The following ZBTB20 variants were observed in gnomAD, a reference collection of about 807,000 sequenced individuals.
ZBTB20 encodes zinc finger and BTB domain containing 20.
In ZBTB20, 9 loss-of-function variants were observed where a neutral mutation model predicts 56.9. The observed-to-expected ratio is 0.16, with a 90% CI of 0.10 to 0.28. The LOEUF is 0.28. Among genes scored for constraint, ZBTB20 ranks in the 10% least tolerant of loss-of-function variants. The probability of loss-of-function intolerance (pLI) is 1.00; values close to 1 mark genes in which losing one functional copy is unlikely to be tolerated. For synonymous variants in ZBTB20, 417 were observed against 420.7 expected, an observed-to-expected ratio of 0.99 and a Z score of 0.11; for missense variants, 655 against 1,003.0, an observed-to-expected ratio of 0.65 and a Z score of 4.69.
intron 7 of ZBTB20, among the ~76,000 whole-genome samples, chr3:114,415,215 C>T (rs2088414199): frequency 6.6e-6 from 1 of 152,050 alleles, no homozygotes; most frequent in Admixed American, 6.6e-5. Context: ...CACTGCTGAA[C>T]CTGGTAAAGC....
At chr3:114,627,902 G>A (rs116021131) in intron 6 of ZBTB20, among the ~76,000 whole-genome samples, 30 of 152,240 alleles carry the variant, frequency 2.0e-4, no homozygotes, top group African/African-American at 7.2e-4. Flanking sequence ...TTTCAGTAGA[G>A]GACGGCAGTA....
intron 5 of ZBTB20, among the ~76,000 whole-genome samples, chr3:114,717,037 T>C (rs532664841): frequency 8.0e-4 from 122 of 152,258 alleles, no homozygotes; most frequent in African/African-American, 2.6e-3. Context: ...AATATTCTAC[T>C]TAGATTCTGA....
intron 6 of ZBTB20, among the ~76,000 whole-genome samples, chr3:114,548,018 T>C (rs940203469): frequency 6.6e-6 from 1 of 152,210 alleles, no homozygotes; most frequent in African/African-American, 2.4e-5. Context: ...TTTTCCTAAA[T>C]AGTGGTTATG....
intron 2 of ZBTB20, among the ~76,000 whole-genome samples, chr3:114,998,829 G>A (rs1203378960): frequency 9.2e-5 from 14 of 151,584 alleles, no homozygotes; most frequent in Non-Finnish European, 5.9e-5. Flanking sequence ...AAGATGTCTA[G>A]AAGGTAATTT....
At chr3:114,419,752 C>T (rs2088959702) in intron 7 of ZBTB20, among the ~76,000 whole-genome samples, 1 of 152,124 alleles carries the variant, frequency 6.6e-6, no homozygotes, top group Admixed American at 6.6e-5. Context: ...AAACAACTGA[C>T]ATACCAAAGA....
intron 6 of ZBTB20, among the ~76,000 whole-genome samples, chr3:114,551,263 G>C (rs1422812367): frequency 6.6e-6 from 1 of 152,166 alleles, no homozygotes; most frequent in Non-Finnish European, 1.5e-5. Context: ...CACAATAAAA[G>C]AGATTCAATT....
At chr3:114,534,413 G>C (rs1424303197) in intron 6 of ZBTB20, among the ~76,000 whole-genome samples, 1 of 152,144 alleles carries the variant, frequency 6.6e-6, no homozygotes, top group East Asian at 1.9e-4. Flanking sequence ...TAATGGTAAA[G>C]GGATCAATGC....
chr3:114,650,243 C>T (rs1452959611), intron 6 of ZBTB20, among the ~76,000 whole-genome samples: 1 of 151,774 alleles, frequency 6.6e-6, no homozygotes, highest in African/African-American at 2.4e-5. Flanking sequence ...AACTTCATAA[C>T]ATGCATAATA....
At chr3:115,080,286 G>C (rs948199488) in intron 1 of ZBTB20, among the ~76,000 whole-genome samples, 1 of 152,172 alleles carries the variant, frequency 6.6e-6, no homozygotes, top group Non-Finnish European at 1.5e-5. Flanking sequence ...CTCCAGAACT[G>C]TGAGGTTACA....
chr3:114,556,721 C>T (rs1364454519), intron 6 of ZBTB20, among the ~76,000 whole-genome samples: 1 of 151,978 alleles, frequency 6.6e-6, no homozygotes, highest in Non-Finnish European at 1.5e-5. Context: ...TTGGTATTCA[C>T]AATATTCTGA....
intron 6 of ZBTB20, among the ~76,000 whole-genome samples, chr3:114,508,261 T>A (rs1473655182): frequency 6.6e-6 from 1 of 152,066 alleles, no homozygotes; most frequent in South Asian, 2.1e-4. Flanking sequence ...ACAGATAAGG[T>A]CTAACAGGGG....
chr3:114,788,829 C>G (rs2070741614), intron 5 of ZBTB20, among the ~76,000 whole-genome samples: 1 of 152,144 alleles, frequency 6.6e-6, no homozygotes, highest in Non-Finnish European at 1.5e-5. Flanking sequence ...GGTGAGGCCT[C>G]ACAATCATGG....
At chr3:114,604,253 G>A (rs983404984) in intron 6 of ZBTB20, among the ~76,000 whole-genome samples, 1 of 151,956 alleles carries the variant, frequency 6.6e-6, no homozygotes, top group African/African-American at 2.4e-5. Flanking sequence ...AAGAGATACT[G>A]GAGAATACAA....
chr3:114,761,808 T>G (rs1479076733), intron 5 of ZBTB20, among the ~76,000 whole-genome samples: 1 of 149,108 alleles, frequency 6.7e-6, no homozygotes, highest in African/African-American at 2.5e-5. Flanking sequence ...CACTCTGGCC[T>G]GGGTGACAGA....
intron 6 of ZBTB20, among the ~76,000 whole-genome samples, chr3:114,547,580 C>T (rs2050045667): frequency 6.6e-6 from 1 of 152,136 alleles, no homozygotes; most frequent in Admixed American, 6.5e-5. Context: ...AGAAGATGCT[C>T]TGGTCAGTGG....
intron 7 of ZBTB20, among the ~76,000 whole-genome samples, chr3:114,424,130 A>G (rs1017818319): frequency 3.3e-5 from 5 of 152,240 alleles, no homozygotes; most frequent in African/African-American, 9.6e-5. Flanking sequence ...CGGTCATATT[A>G]TAATTGTCAC....
rs142378339 is a variant in ZBTB20, at chr3:114,364,281, G to A, written c.200-12403C>T. Among the ~76,000 whole-genome samples, 323 of 152,140 alleles carry A rather than the reference G, an allele frequency of 2.1e-3. 1 individual carries two copies. The highest frequency in any genetic ancestry group is 3.6e-3 in the Non-Finnish European group (243 of 67,974). On this transcript the variant is annotated intron_variant, in intron 10 of 11. Transcript: ENST00000675478. Reference sequence around the variant, plus strand: ...AGCCTAGCCAACATGGTGAAACCTCGTCTCTTCTAAAAATACAAAATTAGC... The same window carrying A: ...AGCCTAGCCAACATGGTGAAACCTCATCTCTTCTAAAAATACAAAATTAGC...
intron 6 of ZBTB20, among the ~76,000 whole-genome samples, chr3:114,501,790 C>A (rs1283896625): frequency 1.4e-5 from 2 of 147,562 alleles, no homozygotes; most frequent in Admixed American, 6.8e-5. Flanking sequence ...CTCACTGCAA[C>A]CTCTGCCTCC....
intron 6 of ZBTB20, among the ~76,000 whole-genome samples, chr3:114,531,842 G>T (rs979334495): frequency 2.6e-4 from 40 of 152,324 alleles, no homozygotes; most frequent in African/African-American, 9.6e-4. Flanking sequence ...CAGAGGGCAA[G>T]CCAAAGCAGG....
Sources: gnomAD v4.1 joint callset for allele counts (sites outside exome capture counted in the v4.1 genomes callset) on GRCh38, gnomAD v4.1.1 for gene constraint, MANE v1.5 for transcripts, NCBI Gene and HGNC (gene_info 2026-07-23, HGNC 2026-07-21) for gene names.